The following SLC25A44 variants were observed in gnomAD, a reference collection of about 807,000 sequenced individuals.
The protein encoded by SLC25A44 is solute carrier family 25 member 44.
A neutral mutation model predicts 29.9 loss-of-function variants in SLC25A44; 17 were observed. That is an observed-to-expected ratio of 0.57 (90% confidence interval 0.39 to 0.85). The LOEUF (loss-of-function observed/expected upper bound fraction) is 0.85, where lower values mean the gene tolerates loss of function less well. Ranked by LOEUF, SLC25A44 falls within the 40% of genes least tolerant of loss-of-function variation. The pLI, the probability that SLC25A44 is intolerant of heterozygous loss-of-function variation, is 0.00. For synonymous variants in SLC25A44, 140 were observed against 151.8 expected (o/e 0.92, Z 0.57); for missense variants, 302 against 398.4 (o/e 0.76, Z 2.06).
intron 1 of SLC25A44, chr1:156,196,211 G>C (rs868479355): frequency 6.6e-6 from 1 of 152,226 alleles, no homozygotes; most frequent in Non-Finnish European, 1.5e-5. Flanking sequence ...GGTAAAACAA[G>C]AAGAATGGGA....
At chr1:156,195,696 A>G (rs1315910567) in intron 1 of SLC25A44, among the ~76,000 whole-genome samples, 4 of 152,218 alleles carry the variant, frequency 2.6e-5, no homozygotes, top group Non-Finnish European at 4.4e-5. Flanking sequence ...ACTTGGTTCC[A>G]GTCTTACACT....
chr1:156,210,744 T>G lies in SLC25A44; in HGVS notation c.*313T>G. 1 of 155,920 alleles carries G rather than the reference T, an allele frequency of 6.4e-6. No individual in the cohort carries two copies. The allele number at this position is 155,920 out of a possible 1,614,324, so 9.7% of individuals were successfully genotyped here. Reference sequence around the variant, plus strand: ...TTCTTCTGGCTTCCCCTTCCATCTGTGTCCCTGAGACCCTGAGAAGAGCTG... The same window carrying G: ...TTCTTCTGGCTTCCCCTTCCATCTGGGTCCCTGAGACCCTGAGAAGAGCTG... On this transcript the variant is annotated 3_prime_UTR_variant, in exon 4 of 4. Transcript: ENST00000359511.
chr1:156,200,111 G>A lies in SLC25A44; in HGVS notation c.264G>A (p.Gln88=). The A allele has an allele frequency of 6.2e-7, 1 of 1,614,194 alleles. No individual in the cohort carries two copies. The highest frequency in any genetic ancestry group is 8.5e-7 in the Non-Finnish European group (1 of 1,180,026). Residue 88 remains glutamine, a synonymous_variant, in exon 2 of 4, where the codon CAG becomes CAA. Coordinates refer to ENST00000359511, the MANE Select transcript of SLC25A44 (RefSeq NM_014655.4). ...LVNTFTLISG[Q]CYVTTYELTR... ...ATACCTTCACCCTCATCTCTGGCCA[G>A]TGTTATGTCACCACTTATGAGCTCA...
chr1:156,206,993 C>T (rs1283286705), intron 2 of SLC25A44, among the ~76,000 whole-genome samples: 10 of 152,284 alleles, frequency 6.6e-5, no homozygotes, highest in East Asian at 3.9e-4. Flanking sequence ...TGAAAGGAGT[C>T]AGCAAGCAAA....
At chr1:156,195,317 A>G (rs1656141720) in intron 1 of SLC25A44, among the ~76,000 whole-genome samples, 1 of 151,786 alleles carries the variant, frequency 6.6e-6, no homozygotes, top group South Asian at 2.1e-4. Flanking sequence ...GTTAGCCAGG[A>G]TGGTCTCGAT....
At chr1:156,204,777 A>G (rs1038625750) in intron 2 of SLC25A44, among the ~76,000 whole-genome samples, 10 of 151,642 alleles carry the variant, frequency 6.6e-5, no homozygotes, top group Non-Finnish European at 1.3e-4. Flanking sequence ...CCTGGTCCAG[A>G]TGCTACAGTT....
chr1:156,200,327 A>G lies in SLC25A44; in HGVS notation c.480A>G (p.Val160=). 2 of 1,614,172 alleles carry G rather than the reference A, an allele frequency of 1.2e-6. No homozygotes were observed. The highest frequency in any genetic ancestry group is 1.7e-6 in the Non-Finnish European group (2 of 1,180,038). ...QVRGNPEGQG[V]VAFGQTKDII... ...GGGGGAACCCAGAGGGACAAGGGGTAGTTGCCTTTGGCCAAACCAAGGACA... is the reference window on the plus strand; with the variant it reads ...GGGGGAACCCAGAGGGACAAGGGGTGGTTGCCTTTGGCCAAACCAAGGACA... Residue 160 remains valine (V), a synonymous_variant, in exon 2 of 4, where the codon GTA becomes GTG. Coordinates refer to ENST00000359511, the MANE Select transcript of SLC25A44 (RefSeq NM_014655.4).
rs753953600 is a variant in SLC25A44 at position 156,199,919 on chromosome 1, T to C, written c.72T>C (p.Gly24=). The change falls in exon 2 of 4, where the codon GGT becomes GGC. Residue 24 remains glycine, a synonymous_variant. Transcript: ENST00000359511. The part of the protein sequence containing the change: ...HLDKKKFYVF[G]VAMTMMIRVS... ...ACAAGAAGAAGTTCTACGTGTTTGG[T>C]GTGGCAATGACAATGATGATCCGTG... is the stretch of plus-strand genomic sequence containing the variant. 9.3e-6 allele frequency: 15 copies of C among 1,614,038 alleles called. No homozygotes were observed. Among genetic ancestry groups the C allele is most frequent in the Non-Finnish European group, 1.0e-5 (12 of 1,180,012 alleles).
chr1:156,195,792 T>A (rs1656177635), intron 1 of SLC25A44, among the ~76,000 whole-genome samples: 1 of 152,240 alleles, frequency 6.6e-6, no homozygotes, highest in African/African-American at 2.4e-5. Context: ...TAGGTGACAC[T>A]ACCTTCTCTC....
intron 2 of SLC25A44, among the ~76,000 whole-genome samples, chr1:156,205,185 A>G (rs1226362764): frequency 1.3e-5 from 2 of 152,068 alleles, no homozygotes; most frequent in East Asian, 3.9e-4. Context: ...CTGGGATTAT[A>G]GGCATGCGCC....
rs746312486 is a variant in SLC25A44, at chr1:156,199,835, G to T, written c.-13G>T. On this transcript the variant is annotated splice_region_variant and 5_prime_UTR_variant, in exon 2 of 4. Transcript: ENST00000359511. The stretch of plus-strand genomic sequence containing the variant: ...TCCCTCCATACTGCTCAAATCCCAG[G>T]TCTTCAGGCACCATGGAGGACAAAC... 1 of 1,608,568 alleles carries T rather than the reference G, an allele frequency of 6.2e-7. No homozygotes were observed. Among genetic ancestry groups the T allele is most frequent in the Non-Finnish European group, 8.5e-7 (1 of 1,176,764 alleles).
In SLC25A44 at chr1:156,211,708, G is replaced by T. The variant is rs1324262843; in HGVS notation, c.*1277G>T. On this transcript the variant is annotated 3_prime_UTR_variant, in exon 4 of 4. Coordinates refer to ENST00000359511, the MANE Select transcript of SLC25A44 (RefSeq NM_014655.4). ...CCAAGATTATCTGATGCTCTCCTCA[G>T]GAGCTAGGAGAGGAGTGCTCCTTCC... 2.6e-5 allele frequency: 4 copies of T among 152,742 alleles called. No individual in the cohort carries two copies. In the East Asian group the frequency reaches 7.5e-4, roughly 29 times the overall value. 9.5% of individuals were successfully genotyped at this position (152,742 alleles called of 1,614,324 possible).
intron 1 of SLC25A44, chr1:156,199,444 G>A (rs548942761): frequency 9.5e-6 from 2 of 211,118 alleles, no homozygotes; most frequent in East Asian, 1.3e-4. Context: ...CTGCTTGGGT[G>A]AGCCAGACAA....
intron 2 of SLC25A44, among the ~76,000 whole-genome samples, chr1:156,204,985 G>A (rs1656838632): frequency 6.6e-6 from 1 of 151,976 alleles, no homozygotes; most frequent in African/African-American, 2.4e-5. Context: ...TGCCCTGCCA[G>A]CCTCCACCTC....
At position 156,207,525 on chromosome 1, in the gene SLC25A44, C is replaced by T. The variant is rs1657031037; in HGVS notation, c.626-361C>T. 2.0e-5 allele frequency among the ~76,000 whole-genome samples: 3 copies of T among 151,984 alleles called. No individual in the cohort carries two copies. The South Asian group carries it at 6.2e-4, about 32-fold the overall frequency. The stretch of plus-strand genomic sequence containing the variant: ...ATTAGCTGGGAATGGTAGCACAAGC[C>T]TATAGACCCAACTACTGGGGATGCT... On this transcript the variant is annotated intron_variant, in intron 2 of 3. Coordinates refer to ENST00000359511, the MANE Select transcript of SLC25A44 (RefSeq NM_014655.4).
chr1:156,196,090 C>T (rs55675376), intron 1 of SLC25A44: 32,332 of 152,182 alleles, frequency 0.21, 3,962 homozygotes, highest in Non-Finnish European at 0.28. Context: ...TGGAGCCATG[C>T]ACATGAGGGT....
At chr1:156,206,376 T>C (rs1158654215) in intron 2 of SLC25A44, among the ~76,000 whole-genome samples, 2 of 152,286 alleles carry the variant, frequency 1.3e-5, no homozygotes, top group East Asian at 3.9e-4. Flanking sequence ...TAGCTGGGAT[T>C]ACAGGTGTGC....
chr1:156,209,367 G>A (rs560687729), intron 3 of SLC25A44, among the ~76,000 whole-genome samples: 1 of 152,250 alleles, frequency 6.6e-6, no homozygotes, highest in East Asian at 1.9e-4. Context: ...ACGGTCACAT[G>A]AGAGAGTATT....
At chr1:156,199,278 G>C (rs1656399240) in intron 1 of SLC25A44, 1 of 153,774 alleles carries the variant, frequency 6.5e-6, no homozygotes, top group Non-Finnish European at 1.4e-5. Flanking sequence ...CAAGGCCACA[G>C]GTGATGCCTC....
Sources: allele counts gnomAD v4.1 joint callset (sites outside exome capture counted in the v4.1 genomes callset), GRCh38; gene constraint gnomAD v4.1.1; transcripts MANE v1.5; gene names NCBI Gene and HGNC (gene_info 2026-07-23, HGNC 2026-07-21).